The following SLC23A2 variants were observed in gnomAD, a reference collection of about 807,000 sequenced individuals.
SLC23A2 encodes solute carrier family 23 member 2.
A neutral mutation model predicts 73.3 loss-of-function variants in SLC23A2; 36 were observed. The observed-to-expected ratio is 0.49, with a 90% CI of 0.38 to 0.65. The LOEUF is 0.65. Among genes scored for constraint, SLC23A2 ranks in the 30% least tolerant of loss-of-function variants. The pLI is 0.00. For missense variants in SLC23A2, 507 were observed against 841.6 expected (o/e 0.60, Z 4.92); for synonymous variants, 343 against 327.3 (o/e 1.05, Z -0.52).
intron 1 of SLC23A2, among the ~76,000 whole-genome samples, chr20:4,997,320 G>A (rs1262390926): frequency 6.6e-6 from 1 of 151,998 alleles, no homozygotes; most frequent in Non-Finnish European, 1.5e-5. Context: ...TACATGATCT[G>A]ACCCCCATGG....
At chr20:5,001,249 T>G in intron 1 of SLC23A2, among the ~76,000 whole-genome samples, 157 bp downstream of exon 1, 1 of 144,002 alleles carries the variant, frequency 6.9e-6, no homozygotes, top group African/African-American at 2.5e-5. Context: ...GGGAGATGGG[T>G]CGGGGTGGGG....
intron 2 of SLC23A2, among the ~76,000 whole-genome samples, chr20:4,953,480 T>C (rs2087234667): frequency 1.3e-5 from 2 of 152,180 alleles, no homozygotes; most frequent in African/African-American, 4.8e-5. Flanking sequence ...AACGAGGTTT[T>C]TTTTTATGTT....
chr20:4,989,672 TA>T (rs879870080), intron 1 of SLC23A2, among the ~76,000 whole-genome samples: 2,521 of 145,398 alleles, frequency 0.017, 55 homozygotes, highest in African/African-American at 0.052. Flanking sequence ...CAAGATCCCT[TA>T]AAAAAAAAAA....
At position 4,997,674 on chromosome 20, in the gene SLC23A2, G is replaced by A. The variant is rs532108102; in HGVS notation, c.-282+3732C>T. ...CAAAGTAGCTTTGTCACCCAGGCTG[G>A]TGTGCAGTGGCACAATCATGGCTCA... On this transcript the variant is annotated intron_variant, in intron 1 of 16. Transcript: ENST00000338244. 2.8e-4 allele frequency among the ~76,000 whole-genome samples: 42 copies of A among 152,268 alleles called. 2 individuals carry two copies. In the South Asian group the frequency reaches 8.7e-3, roughly 32 times the overall value.
intron 6 of SLC23A2, among the ~76,000 whole-genome samples, chr20:4,886,432 G>A (rs1486098897): frequency 6.6e-6 from 1 of 152,192 alleles, no homozygotes; most frequent in African/African-American, 2.4e-5. Context: ...CTACAGAGCT[G>A]TAAGTTACAA....
At chr20:4,950,119 T>A (rs913037869) in intron 2 of SLC23A2, among the ~76,000 whole-genome samples, 4 of 152,226 alleles carry the variant, frequency 2.6e-5, no homozygotes, top group African/African-American at 9.6e-5. Flanking sequence ...TTCCTTAACA[T>A]CAATCTGTAG....
At position 4,998,680 on chromosome 20, in the gene SLC23A2, G is replaced by A. The variant is rs2088063571; in HGVS notation, c.-282+2726C>T. On this transcript the variant is annotated intron_variant, in intron 1 of 16. Transcript: ENST00000338244. This position sits in a 1 kb window ranked among gnomAD's most constrained non-coding sequence, Gnocchi z 4.1. ...GTTTTATGGGCAAGGCCAGGAAACG[G>A]TTCAGGAAGGACTGTAAGATGTTTA... 6.6e-6 allele frequency among the ~76,000 whole-genome samples: 1 copy of A among 152,192 alleles called. No individual in the cohort carries two copies. The highest frequency in any genetic ancestry group is 2.4e-5 in the African/African-American group (1 of 41,450).
chr20:4,869,583 T>C (rs1203828675), intron 12 of SLC23A2: 2 of 261,930 alleles, frequency 7.6e-6, no homozygotes, highest in African/African-American at 2.2e-5. Flanking sequence ...AAAGAACAAG[T>C]GCAGTGCTTG....
rs963161465 is a variant in SLC23A2, at chr20:4,897,050, T to G, written c.482+2505A>C. ...CCCTGGAGGATGCACTGTGTCTCCC[T>G]GATGGCGCTGCCCTTCGTGCTGCAA... is the stretch of plus-strand genomic sequence containing the variant. On this transcript the variant is annotated intron_variant, in intron 6 of 16. Coordinates refer to ENST00000338244, the MANE Select transcript of SLC23A2 (RefSeq NM_005116.6). 2.6e-5 allele frequency among the ~76,000 whole-genome samples: 4 copies of G among 152,306 alleles called. No individual in the cohort carries two copies. In the South Asian group the frequency reaches 8.3e-4, roughly 32 times the overall value.
intron 1 of SLC23A2, among the ~76,000 whole-genome samples, chr20:5,000,939 C>G (rs2088110221): frequency 6.6e-6 from 1 of 152,182 alleles, no homozygotes; most frequent in African/African-American, 2.4e-5. Context: ...CCTCCTGATG[C>G]CCCTGAATTC....
At chr20:4,926,119 G>C (rs1039958216) in intron 3 of SLC23A2, among the ~76,000 whole-genome samples, 1 of 152,062 alleles carries the variant, frequency 6.6e-6, no homozygotes, top group Non-Finnish European at 1.5e-5. Flanking sequence ...AGAAGTGGTC[G>C]GTTCTTATGA....
chr20:4,968,592 G>A (rs2087511394), intron 2 of SLC23A2, among the ~76,000 whole-genome samples: 1 of 152,140 alleles, frequency 6.6e-6, no homozygotes, highest in African/African-American at 2.4e-5. Context: ...GATGAACTAA[G>A]GGAGTGATTT....
rs1467839838 is a variant in SLC23A2, at chr20:4,867,792, A to G, written c.1334T>C (p.Ile445Thr). Reference protein sequence around the residue: ...GNGSTSSSPNIGVLGITKVGS... With the variant: ...GNGSTSSSPNTGVLGITKVGS... The stretch of plus-strand genomic sequence containing the variant: ...TACCTTTGTAATTCCCAAAACTCCA[A>G]TGTTGGGACTGGATGAAGTAGAGCC... Residue 445 changes from isoleucine to threonine, a missense_variant, in exon 13 of 17, where the codon ATT becomes ACT. This residue lies in a region of SLC23A2 where 168 missense variants were observed against 302.3 expected (regional missense o/e 0.56). Transcript: ENST00000338244. 3.8e-6 allele frequency: 6 copies of G among 1,596,400 alleles called. No homozygotes were observed. Among genetic ancestry groups the G allele is most frequent in the Non-Finnish European group, 4.3e-6 (5 of 1,164,552 alleles).
chr20:4,899,566 C>T lies in SLC23A2; in HGVS notation c.471G>A (p.Thr157=), dbSNP rs1568615053. ...TACCCCAATCTCACCTGCATCCAAA[C>T]GTTGTCTGTAGCAAAGTAGTGATTC... ...CVGITTLLQT[T]FGCRLPLFQA... Residue 157 remains threonine, a synonymous_variant, in exon 6 of 17, where the codon ACG becomes ACA. Transcript: ENST00000338244. The surrounding 1 kb of genome is among the most constrained non-coding windows in gnomAD (Gnocchi z 4.9). 3 of 1,614,100 alleles carry T rather than the reference C, an allele frequency of 1.9e-6. No homozygotes were observed. Among genetic ancestry groups the T allele is most frequent in the Admixed American group, 3.3e-5 (2 of 60,020 alleles).
chr20:4,881,515 G>A (rs953577377), intron 9 of SLC23A2, among the ~76,000 whole-genome samples: 3 of 152,016 alleles, frequency 2.0e-5, no homozygotes, highest in Admixed American at 6.6e-5. Context: ...TCCCTCTGAC[G>A]GGATCTGTGG....
Position 4,966,987 on chromosome 20 carries a change from G to T in SLC23A2, c.-155+3806C>A, listed in dbSNP as rs191233538. Among the ~76,000 whole-genome samples the T allele has an allele frequency of 9.7e-4, 147 of 152,176 alleles. 1 individual carries two copies. The highest frequency in any genetic ancestry group is 3.3e-3 in the African/African-American group (136 of 41,520). On this transcript the variant is annotated intron_variant, in intron 2 of 16. Transcript: ENST00000338244. ...TTCCACACACAGAACTGAGAGGAGG[G>T]AAGGAAGCAGATATAAAAGAGACCA...
intron 9 of SLC23A2, among the ~76,000 whole-genome samples, chr20:4,879,019 A>G (rs1271815156): frequency 6.6e-6 from 1 of 152,226 alleles, no homozygotes; most frequent in Non-Finnish European, 1.5e-5. Context: ...CCGTGATAAT[A>G]AACAAGCTTA....
At chr20:4,878,538 A>G (rs938723683) in intron 9 of SLC23A2, among the ~76,000 whole-genome samples, 2 of 152,190 alleles carry the variant, frequency 1.3e-5, no homozygotes, top group African/African-American at 4.8e-5. Flanking sequence ...AGTAAAATCT[A>G]TCTTTCTCTT....
rs556429127 is a variant in SLC23A2 at position 4,868,375 on chromosome 20, G to C, written c.1251-500C>G. Among the ~76,000 whole-genome samples, 13 of 152,232 alleles carry C rather than the reference G, an allele frequency of 8.5e-5. No individual in the cohort carries two copies. In the East Asian group the frequency reaches 2.5e-3, roughly 29 times the overall value. Reference sequence around the variant, plus strand: ...AGGCGTGAGCCACTGTGCCCGGCCAGAATCTGCATTTTAACAGAACCCCCA... The same window carrying C: ...AGGCGTGAGCCACTGTGCCCGGCCACAATCTGCATTTTAACAGAACCCCCA... On this transcript the variant is annotated intron_variant, in intron 12 of 16. Coordinates refer to ENST00000338244, the MANE Select transcript of SLC23A2 (RefSeq NM_005116.6). This position sits in a 1 kb window ranked among gnomAD's most constrained non-coding sequence, Gnocchi z 4.4.
Sources: gnomAD v4.1 joint callset for allele counts (sites outside exome capture counted in the v4.1 genomes callset) on GRCh38, gnomAD v4.1.1 for gene constraint, gnomAD v4.1.1 regional missense constraint, Gnocchi (gnomAD v3.1) non-coding constraint, MANE v1.5 for transcripts, NCBI Gene and HGNC (gene_info 2026-07-23, HGNC 2026-07-21) for gene names.